CELF2: variants seen among roughly 807,000 people sequenced by gnomAD.
The protein encoded by CELF2 is CUGBP Elav-like family member 2.
CELF2 carries 8 observed loss-of-function variants against 62.6 expected under a neutral mutation model. The ratio of observed to expected loss-of-function variants is 0.13; its 90% confidence interval spans 0.07 to 0.23. The LOEUF (loss-of-function observed/expected upper bound fraction) is 0.23. Ranked by LOEUF, CELF2 falls within the 10% of genes least tolerant of loss-of-function variation. CELF2 has a pLI of 1.00. For synonymous variants in CELF2, 258 were observed against 250.0 expected (o/e 1.03, Z -0.30); for missense variants, 333 against 671.0 (o/e 0.50, Z 5.56).
the CELF2 span, among the ~76,000 whole-genome samples, chr10:10,479,133 T>A: frequency 7.2e-4 from 109 of 152,286 alleles, no homozygotes; most frequent in East Asian, 0.019. Flanking sequence ...TTTCTCCATC[T>A]TCTCATCTTT....
At chr10:10,769,989 G>A in the CELF2 span, among the ~76,000 whole-genome samples, 1 of 152,136 alleles carries the variant, frequency 6.6e-6, no homozygotes, top group Non-Finnish European at 1.5e-5. Context: ...GTTACATGGT[G>A]ATGGGGGGTT....
At chr10:11,005,153 C>T (rs1592969218), upstream of CELF2, 2 of 984,866 alleles carry the variant, frequency 2.0e-6, no homozygotes, top group Non-Finnish European at 2.4e-6. This position sits in a 1 kb window ranked among gnomAD's most constrained non-coding sequence, Gnocchi z 4.3. Flanking sequence ...GACAACATAA[C>T]TTGTCAGAGA....
the CELF2 span, among the ~76,000 whole-genome samples, chr10:10,650,822 C>T: frequency 1.3e-5 from 2 of 152,194 alleles, no homozygotes; most frequent in East Asian, 3.9e-4. Context: ...CGATTCCACT[C>T]CTAGGTATGT....
the CELF2 span, among the ~76,000 whole-genome samples, chr10:10,726,521 T>G: frequency 4.8e-4 from 73 of 152,294 alleles, no homozygotes; most frequent in South Asian, 1.0e-3. Context: ...CGACCTGCCT[T>G]TCTCTCTCCC....
At chr10:11,291,137 G>T (rs1290795424) in intron 9 of CELF2, among the ~76,000 whole-genome samples, 1 of 152,150 alleles carries the variant, frequency 6.6e-6, no homozygotes. Flanking sequence ...CACTTGCCCT[G>T]TGAGTTGAAG....
At chr10:10,503,063 A>G in the CELF2 span, among the ~76,000 whole-genome samples, 1 of 151,922 alleles carries the variant, frequency 6.6e-6, no homozygotes, top group Non-Finnish European at 1.5e-5. Flanking sequence ...AATTGATTTT[A>G]GTTTGATTGC....
Position 11,332,595 on chromosome 10 carries a change from A to G in CELF2, c.*3542A>G, listed in dbSNP as rs2132960676. ...CTTGACAAATCCTAATGTCACGCCTACAGCCCCAACACAAGCTCCAGTCTT... is the reference window on the plus strand; with the variant it reads ...CTTGACAAATCCTAATGTCACGCCTGCAGCCCCAACACAAGCTCCAGTCTT... On this transcript the variant is annotated 3_prime_UTR_variant, in exon 13 of 13. Transcript: ENST00000633077. 6.5e-6 allele frequency: 1 copy of G among 152,782 alleles called. No homozygotes were observed. Among genetic ancestry groups the G allele is most frequent in the South Asian group, 2.1e-4 (1 of 4,828 alleles). The allele number at this position is 152,782 out of a possible 1,614,324, so 9.5% of individuals were successfully genotyped here. A position where few individuals can be genotyped will look rare whatever the true frequency, so the allele number is the denominator to read the frequency against.
At chr10:10,843,568 G>A (rs141790331) in intron 1 of CELF2, among the ~76,000 whole-genome samples, 42 of 152,032 alleles carry the variant, frequency 2.8e-4, no homozygotes, top group Non-Finnish European at 5.0e-4. Flanking sequence ...AATTTTTGAG[G>A]TGTGTTTTAT....
chr10:11,166,796 G>T (rs568173604), intron 2 of CELF2, among the ~76,000 whole-genome samples: 1 of 152,312 alleles, frequency 6.6e-6, no homozygotes, highest in African/African-American at 2.4e-5. Context: ...TTCCTTACTG[G>T]CAAGGTGAAA....
chr10:10,582,026 TA>T, the CELF2 span, among the ~76,000 whole-genome samples: 8 of 150,554 alleles, frequency 5.3e-5, no homozygotes, highest in Admixed American at 1.3e-4. Context: ...AGATTCCATC[TA>T]AAAAAAAAGG....
In CELF2 at chr10:11,318,051, C is replaced by G. The variant is rs185986004; in HGVS notation, c.1097-3138C>G. On this transcript the variant is annotated intron_variant, in intron 10 of 12. Coordinates refer to ENST00000633077, the MANE Select transcript of CELF2 (RefSeq NM_001326342.2). This position sits in a 1 kb window ranked among gnomAD's most constrained non-coding sequence, Gnocchi z 5.4. Reference sequence around the variant, plus strand: ...TCTTCACAGCTCTGCTTCTGTTATCCAGAGCTTTTAGAGGAAATCAAGTGC... The same window carrying G: ...TCTTCACAGCTCTGCTTCTGTTATCGAGAGCTTTTAGAGGAAATCAAGTGC... 6.6e-6 allele frequency: 1 copy of G among 152,176 alleles called. No homozygotes were observed. Among genetic ancestry groups the G allele is most frequent in the Non-Finnish European group, 1.5e-5 (1 of 68,058 alleles). 9.4% of individuals were successfully genotyped at this position (152,176 alleles called of 1,614,324 possible).
At chr10:11,126,557 TG>T (rs2058732556) in intron 1 of CELF2, among the ~76,000 whole-genome samples, 1 of 152,208 alleles carries the variant, frequency 6.6e-6, no homozygotes, top group Non-Finnish European at 1.5e-5. Flanking sequence ...CAGACATTGT[TG>T]ATGTATATAA....
At chr10:10,782,798 G>A in the CELF2 span, among the ~76,000 whole-genome samples, 11 of 152,152 alleles carry the variant, frequency 7.2e-5, no homozygotes, top group South Asian at 2.1e-4. Flanking sequence ...GTTAGTCTGC[G>A]GTTTCTCAGC....
At chr10:11,180,496 G>A (rs768639846) in intron 2 of CELF2, among the ~76,000 whole-genome samples, 5 of 152,190 alleles carry the variant, frequency 3.3e-5, no homozygotes, top group Admixed American at 6.5e-5. Context: ...AACCGACACC[G>A]TACTCAGTCT....
At chr10:11,252,055 G>A (rs569251048) in intron 4 of CELF2, among the ~76,000 whole-genome samples, 40 of 152,282 alleles carry the variant, frequency 2.6e-4, no homozygotes, top group East Asian at 3.9e-4. Flanking sequence ...ATAAATGAGC[G>A]GAAGGCTGCT....
chr10:10,894,287 G>A (rs1203381434), intron 1 of CELF2, among the ~76,000 whole-genome samples: 1 of 152,118 alleles, frequency 6.6e-6, no homozygotes, highest in Non-Finnish European at 1.5e-5. Context: ...ATAAAATTGG[G>A]GTCTGAGAGC....
the CELF2 span, among the ~76,000 whole-genome samples, chr10:10,564,269 T>C: frequency 6.6e-6 from 1 of 152,136 alleles, no homozygotes; most frequent in South Asian, 2.1e-4. Flanking sequence ...CCGCAACACA[T>C]GACATCCCCT....
At chr10:10,771,395 A>G in the CELF2 span, among the ~76,000 whole-genome samples, 2 of 152,166 alleles carry the variant, frequency 1.3e-5, no homozygotes, top group Admixed American at 6.5e-5. Context: ...AAAGCCAAGC[A>G]GAGGTAAGCA....
intron 2 of CELF2, chr10:10,920,043 T>G: frequency 8.3e-7 from 1 of 1,201,444 alleles, no homozygotes; most frequent in Non-Finnish European, 1.0e-6. Flanking sequence ...ATTTCTTATA[T>G]CCACAAAGAG....
Sources: allele counts gnomAD v4.1 joint callset (sites outside exome capture counted in the v4.1 genomes callset), GRCh38; gene constraint gnomAD v4.1.1; non-coding constraint Gnocchi (gnomAD v3.1); transcripts MANE v1.5; gene names NCBI Gene and HGNC (gene_info 2026-07-23, HGNC 2026-07-21).